SLC1A2: variants seen among roughly 807,000 people sequenced by gnomAD.
SLC1A2 encodes excitatory amino acid transporter 2.
In SLC1A2, 15 loss-of-function variants were observed where a neutral mutation model predicts 48.8. The observed-to-expected ratio is 0.31, with a 90% CI of 0.21 to 0.47. SLC1A2 has a LOEUF of 0.47. Among genes scored for constraint, SLC1A2 ranks in the 20% least tolerant of loss-of-function variants. The probability of loss-of-function intolerance (pLI) is 0.99; values close to 1 mark genes in which losing one functional copy is unlikely to be tolerated. For missense variants in SLC1A2, 502 were observed against 730.5 expected (o/e 0.69, Z 3.61); for synonymous variants, 279 against 272.6 (o/e 1.02, Z -0.23).
chr11:35,261,089 G>A, intron 10 of SLC1A2, 124 bp from the exon 11 acceptor site: 3 of 728,638 alleles, frequency 4.1e-6, no homozygotes, highest in Admixed American at 2.2e-5. Flanking sequence ...GTTTTAAATG[G>A]AGTTCTTTCC....
rs538470587 is a variant in SLC1A2 at position 35,278,471 on chromosome 11, G to T, written c.1421+2396C>A. Among the ~76,000 whole-genome samples, 4 of 151,838 alleles carry T rather than the reference G, an allele frequency of 2.6e-5. No homozygotes were observed. In the East Asian group the frequency reaches 5.9e-4, roughly 22 times the overall value. ...TTTTTGCATTTTTGGTAGAGACGGG[G>T]TTTCTCCATGTTGTTCAGGCTGGTC... On this transcript the variant is annotated intron_variant, in intron 9 of 10. Coordinates refer to ENST00000278379, the MANE Select transcript of SLC1A2 (RefSeq NM_004171.4).
rs772966906 is a variant in SLC1A2 at position 35,286,932 on chromosome 11, TG to T, written c.1110del (p.Thr371ProfsTer15). The T allele has an allele frequency of 6.2e-7, 1 of 1,613,838 alleles. No individual in the cohort carries two copies. Among genetic ancestry groups the T allele is most frequent in the Non-Finnish European group, 8.5e-7 (1 of 1,179,892 alleles). On this transcript the variant is annotated frameshift_variant, in exon 8 of 11. Transcript: ENST00000278379. LOFTEE classifies it high-confidence loss of function. Reference sequence around the variant, plus strand: ...AGATTTTCTTCCAGGCAACGAAAGGTGACAGGCAAAGTTCCAGCACTGAGAA... The same window carrying T: ...AGATTTTCTTCCAGGCAACGAAAGGTACAGGCAAAGTTCCAGCACTGAGAA... ...GTASSAGTLP[V>X]TFRCLEENLG...
rs1275683746 is a variant in SLC1A2, at chr11:35,253,136, G to T, written c.*7758C>A. 1 of 152,142 alleles carries T rather than the reference G, an allele frequency of 6.6e-6. No individual in the cohort carries two copies. 9.4% of individuals were successfully genotyped at this position (152,142 alleles called of 1,614,324 possible). On this transcript the variant is annotated 3_prime_UTR_variant, in exon 11 of 11. Transcript: ENST00000278379. ...TTTTACCTTTCGGGGAAGTTATATAGTCTGTTATTCACCTGAGGACAGAAA... is the reference window on the plus strand; with the variant it reads ...TTTTACCTTTCGGGGAAGTTATATATTCTGTTATTCACCTGAGGACAGAAA...
intron 4 of SLC1A2, among the ~76,000 whole-genome samples, chr11:35,309,854 C>G (rs764355472): frequency 2.0e-5 from 3 of 152,292 alleles, no homozygotes; most frequent in Non-Finnish European, 2.9e-5. Flanking sequence ...CTACACCATT[C>G]TTCCTCAGGT....
chr11:35,325,854 C>T (rs1245857722), intron 1 of SLC1A2, among the ~76,000 whole-genome samples: 1 of 151,294 alleles, frequency 6.6e-6, no homozygotes. Context: ...ATCCCAGCTA[C>T]TCGGGAGGCT....
chr11:35,333,366 A>C, intron 1 of SLC1A2, among the ~76,000 whole-genome samples: 1 of 152,032 alleles, frequency 6.6e-6, no homozygotes, highest in Non-Finnish European at 1.5e-5. Flanking sequence ...GCAGTGAGCT[A>C]AGATGGCACC....
chr11:35,398,195 A>C (rs1220048602), intron 1 of SLC1A2, among the ~76,000 whole-genome samples: 1 of 152,186 alleles, frequency 6.6e-6, no homozygotes, highest in Non-Finnish European at 1.5e-5. Context: ...CAAACTTCAC[A>C]TGCACTGGCC....
intron 1 of SLC1A2, 63 bp downstream of exon 1, chr11:35,418,887 A>G: frequency 6.8e-7 from 1 of 1,470,196 alleles, no homozygotes; most frequent in East Asian, 2.5e-5. Context: ...CATCCCGGAT[A>G]GGGGCGCCAC....
chr11:35,312,087 TTA>T, intron 4 of SLC1A2, 109 bp downstream of exon 4: 1 of 1,088,992 alleles, frequency 9.2e-7, no homozygotes, highest in Non-Finnish European at 1.3e-6. Flanking sequence ...ACAGAGATAA[TTA>T]TATATTTAGA....
chr11:35,412,049 A>AC (rs1855479210), intron 1 of SLC1A2, among the ~76,000 whole-genome samples: 3 of 151,772 alleles, frequency 2.0e-5, no homozygotes, highest in Non-Finnish European at 2.9e-5. Flanking sequence ...GAGCAAAAAA[A>AC]AAAAACAAAA....
At chr11:35,351,627 T>A (rs1853257718) in intron 1 of SLC1A2, among the ~76,000 whole-genome samples, 1 of 152,124 alleles carries the variant, frequency 6.6e-6, no homozygotes, top group South Asian at 2.1e-4. Context: ...ATTTTATTTT[T>A]TATTTTTATT....
At chr11:35,319,154 C>T (rs1475050110) in intron 1 of SLC1A2, among the ~76,000 whole-genome samples, 1 of 152,200 alleles carries the variant, frequency 6.6e-6, no homozygotes, top group East Asian at 1.9e-4. Flanking sequence ...GGTATGACTG[C>T]TCACAGCAGT....
chr11:35,332,162 T>C lies in SLC1A2; in HGVS notation c.18-14646A>G, dbSNP rs1187551125. On this transcript the variant is annotated intron_variant, in intron 1 of 10. Coordinates refer to ENST00000278379, the MANE Select transcript of SLC1A2 (RefSeq NM_004171.4). The stretch of plus-strand genomic sequence containing the variant: ...GTTTAGTGACCTTGCCAAAAGCAAC[T>C]AGGGCTTCTAATTACCACAAGTGAT... Among the ~76,000 whole-genome samples the C allele has an allele frequency of 2.6e-5, 4 of 152,194 alleles. No homozygotes were observed. In the East Asian group the frequency reaches 7.7e-4, roughly 29 times the overall value.
At chr11:35,267,153 C>T (rs371066806) in intron 9 of SLC1A2, among the ~76,000 whole-genome samples, 7 of 152,164 alleles carry the variant, frequency 4.6e-5, no homozygotes, top group African/African-American at 1.4e-4. Context: ...TCCACAAAAT[C>T]GGGCACTTGG....
chr11:35,418,757 C>G, intron 1 of SLC1A2, 193 bp downstream of exon 1: 1 of 584,100 alleles, frequency 1.7e-6, no homozygotes, highest in South Asian at 2.1e-5. Context: ...CTCGCATTTT[C>G]AAAGGATTAA....
At chr11:35,263,933 T>C (rs1354031870) in intron 10 of SLC1A2, 2 of 152,204 alleles carry the variant, frequency 1.3e-5, no homozygotes, top group African/African-American at 4.8e-5. Context: ...TACTAGAACA[T>C]AAAGCCATTC....
At chr11:35,345,061 T>C (rs1374971344) in intron 1 of SLC1A2, among the ~76,000 whole-genome samples, 1 of 150,870 alleles carries the variant, frequency 6.6e-6, no homozygotes, top group Non-Finnish European at 1.5e-5. Context: ...GCCCCAAGAG[T>C]AAAAAAAAAT....
intron 9 of SLC1A2, among the ~76,000 whole-genome samples, chr11:35,277,549 G>A (rs1299521164): frequency 1.3e-5 from 2 of 152,100 alleles, no homozygotes; most frequent in African/African-American, 2.4e-5. Context: ...ATGGGGGGCA[G>A]CCTCTATAAT....
At chr11:35,354,803 T>A (rs1386296505) in intron 1 of SLC1A2, among the ~76,000 whole-genome samples, 1 of 152,158 alleles carries the variant, frequency 6.6e-6, no homozygotes, top group Admixed American at 6.5e-5. Context: ...TTGCACCACA[T>A]ACTGAAATAC....
Sources: allele counts gnomAD v4.1 joint callset (sites outside exome capture counted in the v4.1 genomes callset), GRCh38; gene constraint gnomAD v4.1.1; transcripts MANE v1.5; gene names NCBI Gene and HGNC (gene_info 2026-07-23, HGNC 2026-07-21).